The following KIF23 variants were observed in gnomAD, a reference collection of about 807,000 sequenced individuals.
The protein encoded by KIF23 is kinesin-like protein KIF23.
Under a neutral mutation model 137.5 loss-of-function variants are expected in KIF23, and 30 were observed. The observed-to-expected ratio is 0.22, with a 90% confidence interval of 0.16 to 0.30. The LOEUF (loss-of-function observed/expected upper bound fraction) is 0.30. Among genes scored for constraint, KIF23 ranks in the 10% least tolerant of loss-of-function variants. KIF23 has a pLI of 1.00. For synonymous variants in KIF23, 367 were observed against 391.1 expected (o/e 0.94, Z 0.73); for missense variants, 920 against 1,194.3 (o/e 0.77, Z 3.38).
At chr15:69,437,424 A>G (rs2057508908) in intron 15 of KIF23, among the ~76,000 whole-genome samples, 1 of 150,256 alleles carries the variant, frequency 6.7e-6, no homozygotes, top group Non-Finnish European at 1.5e-5. Flanking sequence ...TCTGGTACAT[A>G]GTGAATGTAT....
chr15:69,422,694 C>T (rs931542234), intron 6 of KIF23, among the ~76,000 whole-genome samples: 8 of 152,024 alleles, frequency 5.3e-5, no homozygotes, highest in African/African-American at 1.7e-4. Context: ...TTCGGGAGGA[C>T]GTGGGAATAC....
intron 7 of KIF23, among the ~76,000 whole-genome samples, chr15:69,424,590 T>C (rs531544007): frequency 3.9e-5 from 6 of 152,336 alleles, no homozygotes; most frequent in African/African-American, 1.4e-4. Flanking sequence ...GCCAACCTCC[T>C]GGGTTCAGGT....
intron 19 of KIF23, among the ~76,000 whole-genome samples, chr15:69,441,962 A>G (rs532418435): frequency 6.6e-6 from 1 of 152,026 alleles, no homozygotes; most frequent in South Asian, 2.1e-4. Context: ...AGGTCTCACC[A>G]TGTTGCCCAG....
At chr15:69,440,743 A>C in intron 18 of KIF23, 25 bp from the exon 19 acceptor site, 2 of 1,565,856 alleles carry the variant, frequency 1.3e-6, no homozygotes, top group Non-Finnish European at 1.7e-6. Context: ...AGTCTTGCTC[A>C]TTAATTTTTC....
At chr15:69,428,934 T>C (rs1344000305) in intron 10 of KIF23, among the ~76,000 whole-genome samples, 177 bp from the exon 11 acceptor site, 2 of 152,188 alleles carry the variant, frequency 1.3e-5, no homozygotes, top group Non-Finnish European at 2.9e-5. Flanking sequence ...GTCATGAGTA[T>C]ATTTATCATA....
At chr15:69,438,159 A>C in intron 15 of KIF23, 89 bp from the exon 16 acceptor site, 1 of 1,148,888 alleles carries the variant, frequency 8.7e-7, no homozygotes, top group Non-Finnish European at 1.2e-6. Flanking sequence ...CTGAATAACT[A>C]CATTTTATCT....
At chr15:69,430,300 G>A (rs1470561333) in intron 11 of KIF23, among the ~76,000 whole-genome samples, 2 of 152,136 alleles carry the variant, frequency 1.3e-5, no homozygotes, top group Non-Finnish European at 2.9e-5. Context: ...TTTGATAGAT[G>A]TATGCAGTGT....
At chr15:69,445,120 G>T in intron 20 of KIF23, 79 bp downstream of exon 20, 1 of 1,323,856 alleles carries the variant, frequency 7.6e-7, no homozygotes, top group Non-Finnish European at 1.0e-6. Flanking sequence ...TACTCCTTTG[G>T]TGACACACAG....
At position 69,444,609 on chromosome 15, in the gene KIF23, G is replaced by A; in HGVS notation, c.2422-181G>A. ...CCCAGATAGAATGTGTAACATACAA[G>A]TTGGTGTTAAAGATGTTTGTTGGTT... On this transcript the variant is annotated intron_variant, in intron 19 of 23. Transcript: ENST00000679126. This position sits in a 1 kb window ranked among gnomAD's most constrained non-coding sequence, Gnocchi z 4.2. The A allele has an allele frequency of 1.6e-6, 1 of 610,108 alleles. No homozygotes were observed. Among genetic ancestry groups the A allele is most frequent in the Non-Finnish European group, 2.8e-6 (1 of 360,034 alleles). 37.8% of individuals were successfully genotyped at this position (610,108 alleles called of 1,614,324 possible).
chr15:69,428,233 G>A (rs1294627636), intron 10 of KIF23, among the ~76,000 whole-genome samples: 3 of 151,702 alleles, frequency 2.0e-5, no homozygotes, highest in Non-Finnish European at 4.4e-5. Context: ...CCAGCCTGGC[G>A]ACAGAGTGAG....
At chr15:69,427,340 A>T (rs1476143051) in intron 10 of KIF23, 3 of 454,818 alleles carry the variant, frequency 6.6e-6, no homozygotes, top group Non-Finnish European at 1.3e-5. Flanking sequence ...AGGCGATGAC[A>T]TTAAAACTTT....
At chr15:69,436,777 CAT>C (rs752995479) in intron 15 of KIF23, 55 bp downstream of exon 15, 82 of 1,152,230 alleles carry the variant, frequency 7.1e-5, no homozygotes, top group Non-Finnish European at 8.6e-5. Flanking sequence ...TTTTTTGAGA[CAT>C]AGTTTCACTC....
intron 7 of KIF23, 97 bp from the exon 8 acceptor site, chr15:69,425,185 A>G: frequency 2.3e-6 from 2 of 882,186 alleles, no homozygotes; most frequent in Admixed American, 4.9e-5. Flanking sequence ...GGTTTTTAAG[A>G]TATGACTCAT....
At chr15:69,445,113 T>C in intron 20 of KIF23, 72 bp downstream of exon 20, 1 of 1,393,042 alleles carries the variant, frequency 7.2e-7, no homozygotes, top group Non-Finnish European at 9.7e-7. Context: ...GTCCTGCTAC[T>C]CCTTTGGTGA....
chr15:69,447,718 C>T (rs2057770551), intron 23 of KIF23, 74 bp from the exon 24 acceptor site: 1 of 1,456,810 alleles, frequency 6.9e-7, no homozygotes, highest in African/African-American at 1.4e-5. Context: ...TCAAAGGCCT[C>T]CTAAAGATTG....
Position 69,436,584 on chromosome 15 carries a change from G to A in KIF23, c.1459G>A (p.Val487Ile). The change falls in exon 15 of 24, where the codon GTT becomes ATT. Residue 487 changes from valine to isoleucine, a missense_variant. Transcript: ENST00000679126. ...TACAGAACCATTGGTTACTGACGTGGTTTTGCAGAGTTTTCCACCTTTGCC... is the reference window on the plus strand; with the variant it reads ...TACAGAACCATTGGTTACTGACGTGATTTTGCAGAGTTTTCCACCTTTGCC... ...VGNEPLVTDVVLQSFPPLPSC... is the reference protein window; with the variant it reads ...VGNEPLVTDVILQSFPPLPSC... 1 of 1,610,872 alleles carries A rather than the reference G, an allele frequency of 6.2e-7. No homozygotes were observed. Among genetic ancestry groups the A allele is most frequent in the Non-Finnish European group, 8.5e-7 (1 of 1,178,420 alleles).
Position 69,444,710 on chromosome 15 carries a change from T to A in KIF23, c.2422-80T>A, listed in dbSNP as rs112475660. ...GCTTTGGAAAGGTTTGCTATGATACTGTCATCAACTAATGTAGCCAAACCT... is the reference window on the plus strand; with the variant it reads ...GCTTTGGAAAGGTTTGCTATGATACAGTCATCAACTAATGTAGCCAAACCT... On this transcript the variant is annotated intron_variant, in intron 19 of 23. Transcript: ENST00000679126. This position sits in a 1 kb window ranked among gnomAD's most constrained non-coding sequence, Gnocchi z 4.2. 14 of 1,394,056 alleles carry A rather than the reference T, an allele frequency of 1.0e-5. No individual in the cohort carries two copies. The Admixed American group carries it at 2.7e-4, about 27-fold the overall frequency. 86.4% of individuals were successfully genotyped at this position (1,394,056 alleles called of 1,614,324 possible).
At chr15:69,426,659 A>G in intron 10 of KIF23, 1 of 565,882 alleles carries the variant, frequency 1.8e-6, no homozygotes, top group Non-Finnish European at 3.1e-6. Flanking sequence ...AGGCAGAGGT[A>G]CAGTGAACTG....
chr15:69,420,812 T>A (rs1245317304), intron 3 of KIF23, among the ~76,000 whole-genome samples: 1 of 152,066 alleles, frequency 6.6e-6, no homozygotes, highest in Non-Finnish European at 1.5e-5. Flanking sequence ...AAATTTTTTA[T>A]TAGATGAGCT....
Sources: allele counts gnomAD v4.1 joint callset (sites outside exome capture counted in the v4.1 genomes callset), GRCh38; gene constraint gnomAD v4.1.1; non-coding constraint Gnocchi (gnomAD v3.1); transcripts MANE v1.5; gene names NCBI Gene and HGNC (gene_info 2026-07-23, HGNC 2026-07-21).